AGR2: variants seen among roughly 807,000 people sequenced by gnomAD.
AGR2 encodes anterior gradient 2, protein disulphide isomerase family member.
Under a neutral mutation model 25.9 loss-of-function variants are expected in AGR2, and 27 were observed. The observed-to-expected ratio is 1.04, with a 90% CI of 0.77 to 1.44. The LOEUF is 1.44. Among genes scored for constraint, AGR2 ranks in the 40% most tolerant of loss-of-function variants. The pLI is 0.00. For synonymous variants in AGR2, 78 were observed against 72.0 expected (o/e 1.08, Z -0.42); for missense variants, 182 against 200.9 (o/e 0.91, Z 0.57).
chr7:16,792,812 G>A lies in AGR2; in HGVS notation c.*96C>T, dbSNP rs1050118716. ...CATTAAACCATAACCTAATCAGTGTGTTCACTATGCTTCCACACTAGCCAG... is the reference window on the plus strand; with the variant it reads ...CATTAAACCATAACCTAATCAGTGTATTCACTATGCTTCCACACTAGCCAG... On this transcript the variant is annotated 3_prime_UTR_variant, in exon 8 of 8. Coordinates refer to ENST00000419304, the MANE Select transcript of AGR2 (RefSeq NM_006408.4). The A allele has an allele frequency of 2.2e-5, 23 of 1,065,856 alleles. 1 individual carries two copies. Among genetic ancestry groups the A allele is most frequent in the South Asian group, 1.4e-4 (11 of 79,148 alleles). 66.0% of individuals were successfully genotyped at this position (1,065,856 alleles called of 1,614,324 possible).
intron 7 of AGR2, among the ~76,000 whole-genome samples, chr7:16,794,406 T>C (rs933585549): frequency 1.3e-5 from 2 of 152,066 alleles, no homozygotes; most frequent in Non-Finnish European, 2.9e-5. Flanking sequence ...TTGAGGTACC[T>C]CATCTGCCTT....
At chr7:16,797,443 G>A (rs188067249) in intron 6 of AGR2, among the ~76,000 whole-genome samples, 188 bp downstream of exon 6, 2 of 152,300 alleles carry the variant, frequency 1.3e-5, no homozygotes, top group East Asian at 3.9e-4. Context: ...GTGTTGTGTG[G>A]AAATAGGTAA....
rs1275324123 is a variant in AGR2 at position 16,794,939 on chromosome 7, G to A, written c.475C>T (p.Leu159=). Reference sequence around the variant, plus strand: ...CCGAATTGAAGGTCACACTTACACAGAGCTGTATCTGCAGGTTCGTAAGCA... The same window carrying A: ...CCGAATTGAAGGTCACACTTACACAAAGCTGTATCTGCAGGTTCGTAAGCA... ...LYAYEPADTA[L]LLDNMKKALK... is the part of the protein sequence containing the mutation. The change falls in exon 7 of 8, where the codon CTG becomes TTG. Residue 159 remains leucine, a synonymous_variant. Coordinates refer to ENST00000419304, the MANE Select transcript of AGR2 (RefSeq NM_006408.4). 1 of 1,614,156 alleles carries A rather than the reference G, an allele frequency of 6.2e-7. No homozygotes were observed. Among genetic ancestry groups the A allele is most frequent in the Admixed American group, 1.7e-5 (1 of 60,026 alleles).
chr7:16,801,043 C>T (rs1785132742), intron 4 of AGR2, 108 bp downstream of exon 4: 1 of 760,052 alleles, frequency 1.3e-6, no homozygotes. Context: ...ATAAAATATT[C>T]TTTCTTTAAT....
intron 5 of AGR2, chr7:16,799,531 C>G: frequency 2.1e-6 from 1 of 481,624 alleles, no homozygotes. Flanking sequence ...ATTTTTCAGA[C>G]AAACTAAGAT....
At chr7:16,801,011 CTTTT>C (rs1785132018) in intron 4 of AGR2, 136 bp downstream of exon 4, 1 of 619,300 alleles carries the variant, frequency 1.6e-6, no homozygotes, top group Non-Finnish European at 2.7e-6. Context: ...TTTGAAGTCA[CTTTT>C]AAATATGTTT....
At chr7:16,804,111 G>A (rs1785195248) in intron 1 of AGR2, among the ~76,000 whole-genome samples, 1 of 152,088 alleles carries the variant, frequency 6.6e-6, no homozygotes, top group Non-Finnish European at 1.5e-5. Flanking sequence ...AACTCCTGCT[G>A]TACAAACATC....
intron 6 of AGR2, among the ~76,000 whole-genome samples, 158 bp from the exon 7 acceptor site, chr7:16,795,177 AGCCC>A (rs980210154): frequency 1.3e-5 from 2 of 152,190 alleles, no homozygotes; most frequent in African/African-American, 2.4e-5. Context: ...TCTACTACCC[AGCCC>A]CTGGCAGTTA....
intron 6 of AGR2, 41 bp from the exon 7 acceptor site, chr7:16,795,060 T>A (rs746448171): frequency 1.2e-6 from 2 of 1,606,466 alleles, no homozygotes; most frequent in African/African-American, 2.7e-5. Context: ...GAATGGTTTG[T>A]TTTCAAACAA....
chr7:16,801,915 A>G, intron 1 of AGR2, 112 bp from the exon 2 acceptor site: 1 of 856,158 alleles, frequency 1.2e-6, no homozygotes. Flanking sequence ...CTCTGCTGAG[A>G]CTGGACATAC....
chr7:16,799,541 T>A (rs185850310), intron 5 of AGR2: 1 of 507,746 alleles, frequency 2.0e-6, no homozygotes, highest in East Asian at 3.1e-5. Context: ...CAAACTAAGA[T>A]GATTAATTAC....
intron 5 of AGR2, among the ~76,000 whole-genome samples, chr7:16,799,330 G>A (rs1785101862): frequency 6.6e-6 from 1 of 152,144 alleles, no homozygotes; most frequent in Non-Finnish European, 1.5e-5. Context: ...TGGTAGTGGT[G>A]AAGTAAGGTG....
chr7:16,798,192 G>C (rs532637722), intron 5 of AGR2, among the ~76,000 whole-genome samples: 5 of 152,310 alleles, frequency 3.3e-5, no homozygotes, highest in Admixed American at 2.6e-4. Flanking sequence ...GAAATGTTAC[G>C]GTGTAGGATA....
In AGR2 at chr7:16,803,380, C is replaced by T. The variant is rs564276998; in HGVS notation, c.-8+1555G>A. ...AGTGCTAAAAAGGAAATATGAAACC[C>T]CGGCACCTAACTCTAGTATTGGTGA... On this transcript the variant is annotated intron_variant, in intron 1 of 7. Coordinates refer to ENST00000419304, the MANE Select transcript of AGR2 (RefSeq NM_006408.4). 1.2e-4 allele frequency among the ~76,000 whole-genome samples: 18 copies of T among 152,222 alleles called. No homozygotes were observed. In the South Asian group the frequency reaches 3.3e-3, roughly 28 times the overall value.
At chr7:16,802,938 T>G (rs907421609) in intron 1 of AGR2, among the ~76,000 whole-genome samples, 2 of 152,022 alleles carry the variant, frequency 1.3e-5, no homozygotes, top group African/African-American at 4.8e-5. Flanking sequence ...GTTCAAGTGA[T>G]CCTCCCTCCT....
intron 4 of AGR2, among the ~76,000 whole-genome samples, chr7:16,800,826 G>T (rs190371525): frequency 7.2e-5 from 11 of 152,278 alleles, no homozygotes; most frequent in Admixed American, 7.2e-4. Context: ...CTGTGAGATG[G>T]CACAGGCTTC....
chr7:16,798,110 G>T (rs1185213038), intron 5 of AGR2, among the ~76,000 whole-genome samples: 1 of 152,176 alleles, frequency 6.6e-6, no homozygotes, highest in Non-Finnish European at 1.5e-5. Context: ...AAGGCATGGT[G>T]CTTATCTTTA....
chr7:16,798,954 A>G (rs1463522677), intron 5 of AGR2, among the ~76,000 whole-genome samples: 5 of 152,228 alleles, frequency 3.3e-5, no homozygotes, highest in Non-Finnish European at 7.3e-5. Flanking sequence ...AAGTTGTTTC[A>G]TGTTTGGGTA....
Position 16,801,487 on chromosome 7 carries a change from A to C in AGR2, c.140-104T>G, listed in dbSNP as rs184093715. On this transcript the variant is annotated intron_variant, in intron 2 of 7. Transcript: ENST00000419304. ...GGGATAATAGACCCTATACTAAAGA[A>C]GAAGAAAAACCCCTGGAGAAAGTAG... The C allele has an allele frequency of 6.8e-4, 917 of 1,340,392 alleles. 8 individuals carry two copies. The African/African-American group carries it at 0.012, about 18-fold the overall frequency. The allele number at this position is 1,340,392 out of a possible 1,614,324, so 83.0% of individuals were successfully genotyped here. A position where few individuals can be genotyped will look rare whatever the true frequency, so the allele number is the denominator to read the frequency against.
Sources: gnomAD v4.1 joint callset for allele counts (sites outside exome capture counted in the v4.1 genomes callset) on GRCh38, gnomAD v4.1.1 for gene constraint, MANE v1.5 for transcripts, NCBI Gene and HGNC (gene_info 2026-07-23, HGNC 2026-07-21) for gene names.